SLFN11: variants seen among roughly 807,000 people sequenced by gnomAD.
The protein encoded by SLFN11 is schlafen family member 11.
SLFN11 carries 43 observed loss-of-function variants against 53.4 expected under a neutral mutation model. The observed-to-expected ratio is 0.80, with a 90% CI of 0.63 to 1.04. SLFN11 has a LOEUF of 1.04. Among genes scored for constraint, SLFN11 ranks in the 50% least tolerant of loss-of-function variants. The pLI is 0.00. For missense variants in SLFN11, 990 were observed against 1,079.1 expected, an observed-to-expected ratio of 0.92 and a Z score of 1.16; for synonymous variants, 389 against 394.7, an observed-to-expected ratio of 0.99 and a Z score of 0.17.
Position 35,350,702 on chromosome 17 carries a change from A to G in SLFN11, c.*1654T>C, listed in dbSNP as rs773903362. 1 of 152,212 alleles carries G rather than the reference A, an allele frequency of 6.6e-6. No individual in the cohort carries two copies. The highest frequency in any genetic ancestry group is 2.4e-5 in the African/African-American group (1 of 41,456). The allele number at this position is 152,212 out of a possible 1,614,324, so 9.4% of individuals were successfully genotyped here. The stretch of plus-strand genomic sequence containing the variant: ...TTATCTCATTTTGCTGATCTGTCAG[A>G]TTTTGCTTAAGTTAGGAGAGCCTGC... On this transcript the variant is annotated 3_prime_UTR_variant, in exon 7 of 7. Coordinates refer to ENST00000685675, the MANE Select transcript of SLFN11 (RefSeq NM_001376007.1).
chr17:35,355,844 A>C (rs1448380726), intron 5 of SLFN11, among the ~76,000 whole-genome samples: 1 of 152,086 alleles, frequency 6.6e-6, no homozygotes, highest in Admixed American at 6.5e-5. Flanking sequence ...CACCTTGATC[A>C]CTTGATAAAC....
At chr17:35,357,398 C>T (rs529315029) in intron 5 of SLFN11, among the ~76,000 whole-genome samples, 17 of 151,826 alleles carry the variant, frequency 1.1e-4, no homozygotes, top group African/African-American at 3.1e-4. Context: ...TTAAGTCTAA[C>T]GCAAAAATTA....
At chr17:35,354,844 A>G (rs1907261694) in intron 5 of SLFN11, among the ~76,000 whole-genome samples, 1 of 152,066 alleles carries the variant, frequency 6.6e-6, no homozygotes, top group Non-Finnish European at 1.5e-5. Flanking sequence ...ACCCAAATCA[A>G]GATTTGTAGT....
At position 35,363,196 on chromosome 17, in the gene SLFN11, G is replaced by A. The variant is rs1908476413; in HGVS notation, c.612C>T (p.Ile204=). 6.2e-7 allele frequency: 1 copy of A among 1,613,918 alleles called. No homozygotes were observed. Among genetic ancestry groups the A allele is most frequent in the Admixed American group, 1.7e-5 (1 of 59,992 alleles). The change falls in exon 4 of 7, where the codon ATC becomes ATT. Residue 204 remains isoleucine (I), a synonymous_variant. Coordinates refer to ENST00000685675, the MANE Select transcript of SLFN11 (RefSeq NM_001376007.1). ...FQKDYLEYGE[I]LPFPESQLVE... is the part of the protein sequence containing the mutation. ...CTAACTGAGACTCAGGAAAAGGCAG[G>A]ATTTCACCATATTCAAGATAGTCTT...
chr17:35,356,353 C>A (rs151085146), intron 5 of SLFN11, among the ~76,000 whole-genome samples: 1 of 152,138 alleles, frequency 6.6e-6, no homozygotes, highest in African/African-American at 2.4e-5. Flanking sequence ...TGAAAATTGT[C>A]TTTTAAAAAA....
chr17:35,371,569 C>T (rs1193369500), intron 1 of SLFN11, among the ~76,000 whole-genome samples: 3 of 152,032 alleles, frequency 2.0e-5, no homozygotes, highest in Non-Finnish European at 2.9e-5. Context: ...TGCAAATTAA[C>T]CATCCAACAA....
At chr17:35,364,603 C>A (rs867887992) in intron 3 of SLFN11, among the ~76,000 whole-genome samples, 3 of 152,106 alleles carry the variant, frequency 2.0e-5, no homozygotes, top group African/African-American at 7.2e-5. Flanking sequence ...GTCTTACAGA[C>A]CAGAGTTCAT....
Position 35,352,781 on chromosome 17 carries a change from G to A in SLFN11, c.2281C>T (p.Leu761Phe). The A allele has an allele frequency of 1.2e-6, 2 of 1,614,194 alleles. No homozygotes were observed. Among genetic ancestry groups the A allele is most frequent in the Non-Finnish European group, 1.7e-6 (2 of 1,180,048 alleles). The change falls in exon 7 of 7, where the codon CTC becomes TTC. Residue 761 changes from leucine (L) to phenylalanine (F), a missense_variant. Coordinates refer to ENST00000685675, the MANE Select transcript of SLFN11 (RefSeq NM_001376007.1). ...NPSFNIPTGC[L>F]EVFPEAEWSQ... ...CATTCGGCTTCAGGAAATACCTCGA[G>A]GCACCCAGTGGGGATGTTAAATGAA...
At chr17:35,360,146 A>G (rs1033268257) in intron 5 of SLFN11, 97 bp downstream of exon 5, 6 of 1,296,684 alleles carry the variant, frequency 4.6e-6, no homozygotes, top group Non-Finnish European at 6.5e-6. Flanking sequence ...GGGTTTGCAG[A>G]GCACTTTCAG....
At chr17:35,370,263 A>G (rs1909483004) in intron 1 of SLFN11, among the ~76,000 whole-genome samples, 1 of 152,152 alleles carries the variant, frequency 6.6e-6, no homozygotes, top group Non-Finnish European at 1.5e-5. Context: ...CTGAGAAAGC[A>G]CTTAATAAAA....
intron 3 of SLFN11, 101 bp from the exon 4 acceptor site, chr17:35,363,927 G>T: frequency 1.1e-6 from 1 of 905,372 alleles, no homozygotes; most frequent in Non-Finnish European, 1.6e-6. Context: ...AGACTAGCAA[G>T]CAAGACAGGA....
At position 35,363,049 on chromosome 17, in the gene SLFN11, C is replaced by T. The variant is rs137864864; in HGVS notation, c.759G>A (p.Lys253=). The change falls in exon 4 of 7, where the codon AAG becomes AAA. Residue 253 remains lysine (K), a synonymous_variant. Coordinates refer to ENST00000685675, the MANE Select transcript of SLFN11 (RefSeq NM_001376007.1). ...TTGCACATCCCAGGACTTCCCTACT[C>T]TTATCATCCACTCCAATAAAAAGAT... ...GGYLFIGVDD[K]SREVLGCAKE... is the part of the protein sequence containing the mutation. The T allele has an allele frequency of 6.2e-7, 1 of 1,613,928 alleles. No homozygotes were observed. Among genetic ancestry groups the T allele is most frequent in the African/African-American group, 1.3e-5 (1 of 74,912 alleles).
At chr17:35,373,318 C>A (rs1001338258) in intron 1 of SLFN11, among the ~76,000 whole-genome samples, 156 bp downstream of exon 1, 2 of 148,544 alleles carry the variant, frequency 1.3e-5, no homozygotes, top group Admixed American at 6.7e-5. Flanking sequence ...TTTAGGGAAC[C>A]TGCTGAGCAA....
intron 3 of SLFN11, among the ~76,000 whole-genome samples, chr17:35,365,220 T>G (rs895638677): frequency 1.3e-5 from 2 of 152,118 alleles, no homozygotes; most frequent in East Asian, 3.8e-4. Flanking sequence ...TTCTGATAGC[T>G]TCACTTTTCT....
At chr17:35,358,187 C>T (rs1434224750) in intron 5 of SLFN11, among the ~76,000 whole-genome samples, 1 of 150,554 alleles carries the variant, frequency 6.6e-6, no homozygotes, top group African/African-American at 2.4e-5. Context: ...GATATTTTAG[C>T]TTTTTGTTGC....
Position 35,352,128 on chromosome 17 carries a change from C to G in SLFN11, c.*228G>C. 1.7e-6 allele frequency: 1 copy of G among 589,452 alleles called. No individual in the cohort carries two copies. Among genetic ancestry groups the G allele is most frequent in the Admixed American group, 3.0e-5 (1 of 33,140 alleles). The allele number at this position is 589,452 out of a possible 1,614,324, so 36.5% of individuals were successfully genotyped here. A position where few individuals can be genotyped will look rare whatever the true frequency, so the allele number is the denominator to read the frequency against. On this transcript the variant is annotated 3_prime_UTR_variant, in exon 7 of 7. Coordinates refer to ENST00000685675, the MANE Select transcript of SLFN11 (RefSeq NM_001376007.1). ...GACAGCTAAAGTTCCTTTAGAAAAC[C>G]ACCATCTTTCTGGCTGGAAGAGTCA...
rs749989947 is a variant in SLFN11 at position 35,360,238 on chromosome 17, A to G, written c.1198+5T>C. The G allele has an allele frequency of 3.1e-6, 5 of 1,609,360 alleles. No individual in the cohort carries two copies. The highest frequency in any genetic ancestry group is 3.4e-6 in the Non-Finnish European group (4 of 1,178,596). ...GCTGGTGTTGAGAAGACAAACCATAATTACCTGAAAATAAAAGTTGCTGGA... is the reference window on the plus strand; with the variant it reads ...GCTGGTGTTGAGAAGACAAACCATAGTTACCTGAAAATAAAAGTTGCTGGA... On this transcript the variant is annotated splice_donor_5th_base_variant and intron_variant, in intron 5 of 6. Coordinates refer to ENST00000685675, the MANE Select transcript of SLFN11 (RefSeq NM_001376007.1).
At chr17:35,370,454 C>G (rs1909503964) in intron 1 of SLFN11, among the ~76,000 whole-genome samples, 1 of 151,804 alleles carries the variant, frequency 6.6e-6, no homozygotes, top group South Asian at 2.1e-4. Flanking sequence ...CATTGTTATT[C>G]AACATAGAAA....
chr17:35,352,286 A>G lies in SLFN11; in HGVS notation c.*70T>C. ...CAAATCTCTGACTTGTGAACTAAAA[A>G]GAAAGGTTTCTACCATCAGCAGACT... is the stretch of plus-strand genomic sequence containing the variant. On this transcript the variant is annotated 3_prime_UTR_variant, in exon 7 of 7. Transcript: ENST00000685675. 4 of 1,551,290 alleles carry G rather than the reference A, an allele frequency of 2.6e-6. No individual in the cohort carries two copies. Among genetic ancestry groups the G allele is most frequent in the Non-Finnish European group, 3.5e-6 (4 of 1,142,704 alleles).
Sources: gnomAD v4.1 joint callset for allele counts (sites outside exome capture counted in the v4.1 genomes callset) on GRCh38, gnomAD v4.1.1 for gene constraint, MANE v1.5 for transcripts, NCBI Gene and HGNC (gene_info 2026-07-23, HGNC 2026-07-21) for gene names.